OXSR1: variants seen among roughly 807,000 people sequenced by gnomAD.
OXSR1 encodes the protein serine/threonine-protein kinase OSR1.
Under a neutral mutation model 79.8 loss-of-function variants are expected in OXSR1, and 24 were observed. The observed-to-expected ratio is 0.30, with a 90% CI of 0.22 to 0.42. The LOEUF (loss-of-function observed/expected upper bound fraction) is 0.42. Among genes scored for constraint, OXSR1 ranks in the 10% least tolerant of loss-of-function variants. The pLI is 1.00. For synonymous variants in OXSR1, 226 were observed against 209.2 expected (o/e 1.08, Z -0.69); for missense variants, 430 against 618.4 (o/e 0.70, Z 3.23).
At position 38,246,060 on chromosome 3, in the gene OXSR1, G is replaced by GTGT. The variant is rs1487102789; in HGVS notation, c.1111-13_1111-11dup. The stretch of plus-strand genomic sequence containing the variant: ...CCACACAACTTAAGCAACACTGTGT[G>GTGT]TGTTTTTGTTACAGCTCTTTCCAAC... On this transcript the variant is annotated splice_polypyrimidine_tract_variant and intron_variant, in intron 12 of 17. Transcript: ENST00000311806. 2.5e-6 allele frequency: 4 copies of GTGT among 1,612,964 alleles called. No homozygotes were observed. The highest frequency in any genetic ancestry group is 2.2e-5 in the East Asian group (1 of 44,878).
chr3:38,234,260 C>G (rs1049798178), intron 10 of OXSR1, among the ~76,000 whole-genome samples: 1 of 152,052 alleles, frequency 6.6e-6, no homozygotes, highest in Non-Finnish European at 1.5e-5. Context: ...TTGATTTTAT[C>G]AAAAATTAAG....
At chr3:38,193,086 C>G (rs1307323460) in intron 3 of OXSR1, among the ~76,000 whole-genome samples, 1 of 152,154 alleles carries the variant, frequency 6.6e-6, no homozygotes, top group Non-Finnish European at 1.5e-5. Flanking sequence ...TTTTACTTGT[C>G]TGTTAAATGT....
At chr3:38,186,637 C>G (rs1198983025) in intron 2 of OXSR1, among the ~76,000 whole-genome samples, 1 of 152,086 alleles carries the variant, frequency 6.6e-6, no homozygotes, top group South Asian at 2.1e-4. Context: ...TGTATCAGTT[C>G]TTTTTTCCTT....
upstream of OXSR1, chr3:38,165,426 C>T (rs868458623): frequency 2.7e-4 from 48 of 181,084 alleles, no homozygotes; most frequent in Middle Eastern, 2.4e-3. Flanking sequence ...GCTCACTTTA[C>T]ATCCAGCCAC....
intron 1 of OXSR1, among the ~76,000 whole-genome samples, chr3:38,174,930 T>C (rs1421651277): frequency 2.0e-5 from 3 of 152,202 alleles, no homozygotes; most frequent in Non-Finnish European, 4.4e-5. Flanking sequence ...GGCAGTGTCT[T>C]TATTTTCATC....
At chr3:38,192,464 T>TA (rs1229340744) in intron 3 of OXSR1, among the ~76,000 whole-genome samples, 1 of 152,148 alleles carries the variant, frequency 6.6e-6, no homozygotes, top group Non-Finnish European at 1.5e-5. Flanking sequence ...GGAAATATAT[T>TA]AAAAATAAAA....
chr3:38,188,403 A>T (rs749525669), intron 2 of OXSR1, among the ~76,000 whole-genome samples: 1 of 152,226 alleles, frequency 6.6e-6, no homozygotes, highest in Non-Finnish European at 1.5e-5. Flanking sequence ...GAAGAATTGC[A>T]AAAGTAGTAC....
intron 3 of OXSR1, among the ~76,000 whole-genome samples, chr3:38,195,491 T>G (rs1259525836): frequency 1.3e-5 from 2 of 152,284 alleles, no homozygotes; most frequent in Admixed American, 6.5e-5. Flanking sequence ...ACCAAGCAAA[T>G]TTTGGCCTCT....
intron 10 of OXSR1, among the ~76,000 whole-genome samples, chr3:38,235,054 G>A (rs1343307263): frequency 6.6e-6 from 1 of 152,172 alleles, no homozygotes; most frequent in Non-Finnish European, 1.5e-5. Context: ...GAGACAGAAA[G>A]TAGATTAGTG....
intron 17 of OXSR1, 74 bp from the exon 18 acceptor site, chr3:38,252,743 C>G: frequency 8.5e-7 from 1 of 1,179,708 alleles, no homozygotes; most frequent in South Asian, 1.2e-5. Context: ...TCCCACTATC[C>G]CATGTCTGTT....
At chr3:38,198,181 T>C (rs1702100419) in intron 3 of OXSR1, among the ~76,000 whole-genome samples, 1 of 152,234 alleles carries the variant, frequency 6.6e-6, no homozygotes. Flanking sequence ...GTTATTTTTA[T>C]TCTTTTTGTA....
intron 3 of OXSR1, among the ~76,000 whole-genome samples, chr3:38,197,899 A>G (rs1402453937): frequency 1.3e-5 from 2 of 152,202 alleles, no homozygotes; most frequent in East Asian, 1.9e-4. Context: ...TTTGCAGTCT[A>G]TGTAATGTTC....
chr3:38,183,261 TAA>T (rs1356318807), intron 2 of OXSR1, 146 bp downstream of exon 2: 5 of 434,374 alleles, frequency 1.2e-5, no homozygotes, highest in East Asian at 3.7e-5. Context: ...GTAAAATTTA[TAA>T]AGTCTGGATA....
At chr3:38,171,040 T>G (rs1358150441) in intron 1 of OXSR1, among the ~76,000 whole-genome samples, 3 of 152,146 alleles carry the variant, frequency 2.0e-5, no homozygotes, top group Non-Finnish European at 4.4e-5. Flanking sequence ...CCTCCTAAAG[T>G]GTTGGGGTTT....
Position 38,252,992 on chromosome 3 carries a change from A to G in OXSR1, c.*101A>G. The G allele has an allele frequency of 1.2e-6, 1 of 866,920 alleles. No individual in the cohort carries two copies. Among genetic ancestry groups the G allele is most frequent in the Non-Finnish European group, 1.9e-6 (1 of 520,480 alleles). The allele number at this position is 866,920 out of a possible 1,614,324, so 53.7% of individuals were successfully genotyped here. A position where few individuals can be genotyped will look rare whatever the true frequency, so the allele number is the denominator to read the frequency against. On this transcript the variant is annotated 3_prime_UTR_variant, in exon 18 of 18. Transcript: ENST00000311806. ...ACTACTGCCAAAGAACCCAGCAACA[A>G]ACCTCCCGGCTAGGAGCTTTAGAAG...
At chr3:38,211,675 C>T (rs1382427923) in intron 4 of OXSR1, among the ~76,000 whole-genome samples, 3 of 152,168 alleles carry the variant, frequency 2.0e-5, no homozygotes, top group Non-Finnish European at 2.9e-5. Flanking sequence ...AGCCCAGTGC[C>T]ATGTTTTCTA....
At chr3:38,194,884 C>T (rs1462119772) in intron 3 of OXSR1, among the ~76,000 whole-genome samples, 1 of 152,126 alleles carries the variant, frequency 6.6e-6, no homozygotes, top group East Asian at 1.9e-4. Flanking sequence ...GATTTAGGAA[C>T]GTTGTACTGT....
intron 15 of OXSR1, 36 bp downstream of exon 15, chr3:38,250,054 C>T (rs765565768): frequency 6.2e-6 from 8 of 1,293,696 alleles, no homozygotes; most frequent in South Asian, 1.2e-5. Flanking sequence ...AAAATAGCTT[C>T]CAATTTGTGA....
At chr3:38,172,355 T>TA (rs1400793369) in intron 1 of OXSR1, among the ~76,000 whole-genome samples, 1 of 152,216 alleles carries the variant, frequency 6.6e-6, no homozygotes, top group Non-Finnish European at 1.5e-5. Context: ...ATGATATTGC[T>TA]AATAATACAA....
Sources: gnomAD v4.1 joint callset for allele counts (sites outside exome capture counted in the v4.1 genomes callset) on GRCh38, gnomAD v4.1.1 for gene constraint, MANE v1.5 for transcripts, NCBI Gene and HGNC (gene_info 2026-07-23, HGNC 2026-07-21) for gene names.